TCEA1: variants seen among roughly 807,000 people sequenced by gnomAD.
TCEA1 encodes transcription elongation factor A1, also known as transcription elongation factor A protein 1.
TCEA1 carries 21 observed loss-of-function variants against 43.8 expected under a neutral mutation model. The observed-to-expected ratio is 0.48, with a 90% CI of 0.34 to 0.69. The LOEUF (loss-of-function observed/expected upper bound fraction) is 0.69. TCEA1 is among the 30% of genes least tolerant of loss of function. The pLI is 0.01. For synonymous variants in TCEA1, 104 were observed against 117.5 expected (o/e 0.88, Z 0.75); for missense variants, 250 against 365.1 (o/e 0.68, Z 2.57).
rs1306380368 is a variant in TCEA1 at position 53,979,011 on chromosome 8, A to AT, written c.825+13_825+14insA. Reference sequence around the variant, plus strand: ...TTTTTATATAAAAATAAGAATCTATAAACAATCACAAACCTGTGTGTAAGT... The same window carrying AT: ...TTTTTATATAAAAATAAGAATCTATATAACAATCACAAACCTGTGTGTAAGT... On this transcript the variant is annotated intron_variant, in intron 8 of 9. Transcript: ENST00000521604. 1 of 1,593,542 alleles carries AT rather than the reference A, an allele frequency of 6.3e-7. No homozygotes were observed. The highest frequency in any genetic ancestry group is 1.7e-5 in the Admixed American group (1 of 57,460).
At chr8:54,014,514 T>C (rs1362874882) in intron 1 of TCEA1, among the ~76,000 whole-genome samples, 1 of 152,220 alleles carries the variant, frequency 6.6e-6, no homozygotes. Flanking sequence ...CTACAGATGA[T>C]GCAAGAGAAA....
intron 1 of TCEA1, among the ~76,000 whole-genome samples, chr8:54,016,978 C>CAAAA (rs1159105172): frequency 5.9e-5 from 4 of 67,400 alleles, no homozygotes; most frequent in Admixed American, 1.6e-4. Flanking sequence ...GACTCCGTCT[C>CAAAA]AAAAAAAAAA....
intron 2 of TCEA1, among the ~76,000 whole-genome samples, chr8:54,006,433 C>G (rs544009072): frequency 6.6e-6 from 1 of 151,922 alleles, no homozygotes. Flanking sequence ...GAGCCGAGAT[C>G]GTGCCATTGC....
At chr8:53,980,582 G>A (rs533753337) in intron 7 of TCEA1, among the ~76,000 whole-genome samples, 1 of 151,966 alleles carries the variant, frequency 6.6e-6, no homozygotes, top group Non-Finnish European at 1.5e-5. Context: ...ACTGTTTTAG[G>A]GGCACCACTA....
At position 53,993,733 on chromosome 8, in the gene TCEA1, G is replaced by T. The variant is rs375610136; in HGVS notation, c.255C>A (p.Asp85Glu). 37 of 1,613,314 alleles carry T rather than the reference G, an allele frequency of 2.3e-5. No individual in the cohort carries two copies. The African/African-American group carries it at 4.8e-4, about 21-fold the overall frequency. The change falls in exon 4 of 10, where the codon GAC becomes GAA. Residue 85 changes from aspartate to glutamate, a missense_variant. This residue lies in a region of TCEA1 where 147 missense variants were observed against 160.3 expected (regional missense o/e 0.92). Coordinates refer to ENST00000521604, the MANE Select transcript of TCEA1 (RefSeq NM_006756.4). ...KLLDGPSTEK[D>E]LDEKKKEPAI... The stretch of plus-strand genomic sequence containing the variant: ...CAGGTTCTTTCTTCTTTTCGTCAAG[G>T]TCTTTCTCAGTTGATGGCCCATCTG...
chr8:54,019,296 G>A (rs533045833), intron 1 of TCEA1, among the ~76,000 whole-genome samples: 4 of 152,114 alleles, frequency 2.6e-5, no homozygotes, highest in African/African-American at 4.8e-5. Flanking sequence ...CAGGCTGGGC[G>A]CAGTGGCTCA....
At chr8:53,972,962 C>A (rs1037100391) in intron 8 of TCEA1, 9 of 663,860 alleles carry the variant, frequency 1.4e-5, no homozygotes, top group Non-Finnish European at 2.3e-5. Flanking sequence ...ATATCTGCTG[C>A]AATGGGAACA....
intron 6 of TCEA1, among the ~76,000 whole-genome samples, chr8:53,985,386 TC>T (rs1332442245): frequency 6.6e-6 from 1 of 152,108 alleles, no homozygotes; most frequent in African/African-American, 2.4e-5. Flanking sequence ...AAAAAGTAAC[TC>T]AAGTACTCAA....
At chr8:53,980,088 TTGTC>T (rs752033378) in intron 7 of TCEA1, among the ~76,000 whole-genome samples, 52 of 152,248 alleles carry the variant, frequency 3.4e-4, no homozygotes, top group Non-Finnish European at 6.3e-4. Context: ...TGAATTGGTT[TTGTC>T]TGTGTAGTGG....
intron 7 of TCEA1, among the ~76,000 whole-genome samples, chr8:53,980,700 C>CACA (rs1437575714): frequency 1.2e-4 from 18 of 152,150 alleles, no homozygotes; most frequent in African/African-American, 4.3e-4. Flanking sequence ...CTCCCTGAGA[C>CACA]ACAACAATAT....
At chr8:54,015,858 G>A (rs950745015) in intron 1 of TCEA1, among the ~76,000 whole-genome samples, 1 of 152,038 alleles carries the variant, frequency 6.6e-6, no homozygotes, top group African/African-American at 2.4e-5. Flanking sequence ...CTAAAAAATG[G>A]GCAAAGGATC....
At chr8:54,012,554 G>C (rs1325423258) in intron 1 of TCEA1, among the ~76,000 whole-genome samples, 1 of 152,076 alleles carries the variant, frequency 6.6e-6, no homozygotes, top group East Asian at 1.9e-4. Flanking sequence ...GCGAGACTCC[G>C]TCTCAAAAAA....
At position 54,010,941 on chromosome 8, in the gene TCEA1, G is replaced by A. The variant is rs543276261; in HGVS notation, c.64-449C>T. Among the ~76,000 whole-genome samples, 837 of 152,052 alleles carry A rather than the reference G, an allele frequency of 5.5e-3. 4 individuals are homozygous for A. The highest frequency in any genetic ancestry group is 0.019 in the African/African-American group (805 of 41,466). ...AGCGATTCTCCTGCCTCAGCCTCCTGAGTAGGTGAGATTACAGGCACACAC... is the reference window on the plus strand; with the variant it reads ...AGCGATTCTCCTGCCTCAGCCTCCTAAGTAGGTGAGATTACAGGCACACAC... On this transcript the variant is annotated intron_variant, in intron 1 of 9. Transcript: ENST00000521604.
At chr8:53,970,137 A>T (rs1803111709) in intron 9 of TCEA1, 1 of 468,748 alleles carries the variant, frequency 2.1e-6, no homozygotes, top group African/African-American at 2.0e-5. Context: ...GTGATATAAT[A>T]ATTGAACAGT....
At position 53,975,453 on chromosome 8, in the gene TCEA1, T is replaced by G. The variant is rs188553882; in HGVS notation, c.825+3572A>C. 1.3e-3 allele frequency among the ~76,000 whole-genome samples: 200 copies of G among 152,308 alleles called. 2 individuals carry two copies. Among genetic ancestry groups the G allele is most frequent in the African/African-American group, 4.8e-3 (199 of 41,552 alleles). On this transcript the variant is annotated intron_variant, in intron 8 of 9. Transcript: ENST00000521604. ...GGTATCTGTACACTTAAGTTCACAG[T>G]AGCATTATTCACAATAGCTAAAAAG...
At chr8:53,999,224 CAAA>C (rs57357613) in intron 3 of TCEA1, among the ~76,000 whole-genome samples, 1 of 64,546 alleles carries the variant, frequency 1.5e-5, no homozygotes, top group African/African-American at 5.3e-5. Flanking sequence ...GACTCAGTCT[CAAA>C]AAAAAAAAAA....
intron 9 of TCEA1, among the ~76,000 whole-genome samples, chr8:53,969,584 A>G (rs1803097914): frequency 6.6e-6 from 1 of 151,752 alleles, no homozygotes; most frequent in African/African-American, 2.4e-5. Flanking sequence ...CAGGCACACT[A>G]AATATATTAT....
intron 1 of TCEA1, among the ~76,000 whole-genome samples, chr8:54,019,596 CATAAT>C (rs1023565084): frequency 4.7e-5 from 7 of 150,384 alleles, no homozygotes; most frequent in Non-Finnish European, 1.0e-4. Context: ...TTAACTTTTT[CATAAT>C]ATAAAACATT....
chr8:54,022,293 C>CGGT lies in TCEA1; in HGVS notation c.-169_-168insACC. The CGGT allele has an allele frequency of 1.2e-6, 1 of 812,150 alleles. No homozygotes were observed. The highest frequency in any genetic ancestry group is 2.5e-5 in the Admixed American group (1 of 39,442). The allele number at this position is 812,150 out of a possible 1,614,324, so 50.3% of individuals were successfully genotyped here. ...ACGAAGCCCGCGGCGGCGGCGGCGG[C>CGGT]GGCGGCGGCTCCGGCTCCTCCTCCC... On this transcript the variant is annotated 5_prime_UTR_variant, in exon 1 of 10. Coordinates refer to ENST00000521604, the MANE Select transcript of TCEA1 (RefSeq NM_006756.4).
Sources: allele counts gnomAD v4.1 joint callset (sites outside exome capture counted in the v4.1 genomes callset), GRCh38; gene constraint gnomAD v4.1.1; regional missense constraint gnomAD v4.1.1; transcripts MANE v1.5; gene names NCBI Gene and HGNC (gene_info 2026-07-23, HGNC 2026-07-21).